The following ELMO1 variants were observed in gnomAD, a reference collection of about 807,000 sequenced individuals.
The protein encoded by ELMO1 is engulfment and cell motility protein 1.
ELMO1 carries 26 observed loss-of-function variants against 98.9 expected under a neutral mutation model. That is an observed-to-expected ratio of 0.26 (90% confidence interval 0.19 to 0.36). The LOEUF (loss-of-function observed/expected upper bound fraction) is 0.36. Ranked by LOEUF, ELMO1 falls within the 10% of genes least tolerant of loss-of-function variation. ELMO1 has a pLI of 1.00. For synonymous variants in ELMO1, 346 were observed against 346.0 expected, an observed-to-expected ratio of 1.00 and a Z score of 0.00; for missense variants, 627 against 935.2, an observed-to-expected ratio of 0.67 and a Z score of 4.30.
intron 13 of ELMO1, among the ~76,000 whole-genome samples, chr7:37,143,516 C>G (rs1236276056): frequency 6.6e-6 from 1 of 151,712 alleles, no homozygotes; most frequent in African/African-American, 2.4e-5. Flanking sequence ...AAGCGATTCT[C>G]TTGCCTCAGC....
At chr7:37,289,509 G>A (rs915386924) in intron 4 of ELMO1, among the ~76,000 whole-genome samples, 2 of 152,194 alleles carry the variant, frequency 1.3e-5, no homozygotes, top group Non-Finnish European at 2.9e-5. Context: ...CTGAAGCAAA[G>A]TTACAAACAG....
At chr7:37,183,647 G>C (rs1791020469) in intron 13 of ELMO1, among the ~76,000 whole-genome samples, 1 of 152,104 alleles carries the variant, frequency 6.6e-6, no homozygotes, top group Admixed American at 6.5e-5. Flanking sequence ...AGAAGTAGCA[G>C]GAAAGAGGGA....
chr7:37,303,232 A>G (rs1054150958), intron 4 of ELMO1, among the ~76,000 whole-genome samples: 3 of 152,220 alleles, frequency 2.0e-5, no homozygotes, highest in African/African-American at 7.2e-5. Flanking sequence ...ATGTTTTTCC[A>G]TCTGTGGAGC....
chr7:37,307,782 A>G (rs1026239760), intron 4 of ELMO1, among the ~76,000 whole-genome samples: 6 of 152,192 alleles, frequency 3.9e-5, no homozygotes, highest in African/African-American at 1.4e-4. Flanking sequence ...TCAAAGTGCT[A>G]CCCAGCATTT....
chr7:36,952,430 C>T (rs988515674), intron 16 of ELMO1, among the ~76,000 whole-genome samples: 1 of 152,078 alleles, frequency 6.6e-6, no homozygotes, highest in Non-Finnish European at 1.5e-5. Context: ...GGGAGACGAG[C>T]ACAGTGAAAG....
In ELMO1 at chr7:37,440,809, G is replaced by A. The variant is rs539947680; in HGVS notation, c.-74+7866C>T. Among the ~76,000 whole-genome samples the A allele has an allele frequency of 4.0e-5, 6 of 151,392 alleles. No individual in the cohort carries two copies. The East Asian group carries it at 7.8e-4, about 20-fold the overall frequency. The stretch of plus-strand genomic sequence containing the variant: ...TCTAGGAAACTGTGGGGTGGGGAGA[G>A]TTGGAGGGGTGGACGGGAGTCAAAT... On this transcript the variant is annotated intron_variant, in intron 1 of 21. Transcript: ENST00000310758.
At position 36,917,854 on chromosome 7, in the gene ELMO1, T is replaced by C. The variant is rs564192263; in HGVS notation, c.1438-22837A>G. Reference sequence around the variant, plus strand: ...CTGAGTGTCTATCAACTGGGGAAGATATAAACAAAATGGAATAAATGCAGA... The same window carrying C: ...CTGAGTGTCTATCAACTGGGGAAGACATAAACAAAATGGAATAAATGCAGA... On this transcript the variant is annotated intron_variant, in intron 16 of 21. Coordinates refer to ENST00000310758, the MANE Select transcript of ELMO1 (RefSeq NM_014800.11). Among the ~76,000 whole-genome samples, 22 of 152,300 alleles carry C rather than the reference T, an allele frequency of 1.4e-4. No individual in the cohort carries two copies. The South Asian group carries it at 4.6e-3, about 32-fold the overall frequency.
intron 16 of ELMO1, among the ~76,000 whole-genome samples, chr7:37,011,089 A>G (rs1003515599): frequency 6.6e-6 from 1 of 152,224 alleles, no homozygotes; most frequent in African/African-American, 2.4e-5. Context: ...TTAGTCTATG[A>G]TCTGTAAACA....
At position 37,021,771 on chromosome 7, in the gene ELMO1, G is replaced by T. The variant is rs77850936; in HGVS notation, c.1301-8336C>A. ...TGATTCATATGTTAACCGAGATAAA[G>T]AACTCAATACATGTCAGTCGTTACT... On this transcript the variant is annotated intron_variant, in intron 15 of 21. Transcript: ENST00000310758. Among the ~76,000 whole-genome samples the T allele has an allele frequency of 1.7e-3, 258 of 152,114 alleles. 6 individuals are homozygous for T. The East Asian group carries it at 0.043, about 26-fold the overall frequency.
chr7:37,343,744 C>G (rs542449997), intron 1 of ELMO1, among the ~76,000 whole-genome samples: 1 of 151,926 alleles, frequency 6.6e-6, no homozygotes, highest in Non-Finnish European at 1.5e-5. Flanking sequence ...CAAAGTGCTG[C>G]GATTACAGGC....
Position 37,291,953 on chromosome 7 carries a change from C to G in ELMO1, c.193-20071G>C, listed in dbSNP as rs1179765076. 3.6e-4 allele frequency among the ~76,000 whole-genome samples: 39 copies of G among 106,964 alleles called. 2 individuals are homozygous for G. Among genetic ancestry groups the G allele is most frequent in the Middle Eastern group, 9.9e-3 (2 of 202 alleles). 70.2% of individuals were successfully genotyped at this position (106,964 alleles called of 152,430 possible). The stretch of plus-strand genomic sequence containing the variant: ...CTCCCCCTCCCTCTCCCTCTGCCCA[C>G]GGTCTCCCTCTCCCTCTCTTTCCAC... On this transcript the variant is annotated intron_variant, in intron 4 of 21. Coordinates refer to ENST00000310758, the MANE Select transcript of ELMO1 (RefSeq NM_014800.11).
At chr7:37,124,895 G>C (rs1435934103) in intron 14 of ELMO1, among the ~76,000 whole-genome samples, 2 of 152,134 alleles carry the variant, frequency 1.3e-5, no homozygotes, top group African/African-American at 4.8e-5. Context: ...ATACTATAAG[G>C]CTACAGTAAC....
At chr7:36,902,403 T>G (rs1475915810) in intron 16 of ELMO1, among the ~76,000 whole-genome samples, 3 of 152,236 alleles carry the variant, frequency 2.0e-5, no homozygotes, top group African/African-American at 4.8e-5. Flanking sequence ...GAAGGGGTGA[T>G]GAGACCTAAT....
intron 2 of ELMO1, among the ~76,000 whole-genome samples, chr7:37,336,299 G>A (rs1458507925): frequency 2.6e-5 from 4 of 152,112 alleles, no homozygotes; most frequent in Admixed American, 2.0e-4. Flanking sequence ...GGTAATACCT[G>A]TGAGACTCCT....
At chr7:37,101,729 T>C (rs1235958907) in intron 14 of ELMO1, among the ~76,000 whole-genome samples, 2 of 151,898 alleles carry the variant, frequency 1.3e-5, no homozygotes, top group African/African-American at 4.8e-5. Flanking sequence ...TGGAGTCAGC[T>C]TGCACTGGTT....
intron 13 of ELMO1, among the ~76,000 whole-genome samples, chr7:37,200,904 C>T (rs973718902): frequency 2.0e-5 from 3 of 150,896 alleles, no homozygotes; most frequent in Admixed American, 6.6e-5. Flanking sequence ...GATCGCACCA[C>T]TGCACTCCAG....
chr7:37,120,081 C>A (rs905833162), intron 14 of ELMO1, among the ~76,000 whole-genome samples: 1 of 152,180 alleles, frequency 6.6e-6, no homozygotes, highest in Non-Finnish European at 1.5e-5. Flanking sequence ...ATACAAATTC[C>A]GTTGGGTAAC....
At chr7:37,012,217 T>C (rs1584512986) in intron 16 of ELMO1, among the ~76,000 whole-genome samples, 1 of 152,186 alleles carries the variant, frequency 6.6e-6, no homozygotes, top group East Asian at 1.9e-4. Flanking sequence ...TTTTCCTGAT[T>C]TTCTTTCTTT....
chr7:37,289,190 G>C (rs950823139), intron 4 of ELMO1, among the ~76,000 whole-genome samples: 4 of 152,046 alleles, frequency 2.6e-5, no homozygotes, highest in Non-Finnish European at 5.9e-5. Flanking sequence ...ACAGAGTCTG[G>C]AACAATAGTG....
Sources: gnomAD v4.1 joint callset for allele counts (sites outside exome capture counted in the v4.1 genomes callset) on GRCh38, gnomAD v4.1.1 for gene constraint, MANE v1.5 for transcripts, NCBI Gene and HGNC (gene_info 2026-07-23, HGNC 2026-07-21) for gene names.